The following RIMS2 variants were observed in gnomAD, a reference collection of about 807,000 sequenced individuals.
The protein encoded by RIMS2 is regulating synaptic membrane exocytosis 2.
RIMS2 carries 59 observed loss-of-function variants against 174.4 expected under a neutral mutation model. The observed-to-expected ratio is 0.34, with a 90% CI of 0.27 to 0.42. The LOEUF is 0.42. Ranked by LOEUF, RIMS2 falls within the 10% of genes least tolerant of loss-of-function variation. The pLI, the probability that RIMS2 is intolerant of heterozygous loss-of-function variation, is 1.00. For synonymous variants in RIMS2, 606 were observed against 572.5 expected (o/e 1.06, Z -0.84); for missense variants, 1,620 against 1,666.3 (o/e 0.97, Z 0.48).
At chr8:103,549,346 C>G (rs909218644) in intron 1 of RIMS2, among the ~76,000 whole-genome samples, 4 of 152,132 alleles carry the variant, frequency 2.6e-5, no homozygotes, top group African/African-American at 9.7e-5. Flanking sequence ...ATTTTCAACC[C>G]AGAATTTCAT....
chr8:103,933,340 G>A (rs1311225808), intron 12 of RIMS2, among the ~76,000 whole-genome samples: 1 of 111,488 alleles, frequency 9.0e-6, no homozygotes, highest in Admixed American at 8.4e-5. Flanking sequence ...CACACAATTA[G>A]CCAGGAGTGG....
chr8:103,825,154 A>G (rs900750735), intron 3 of RIMS2, among the ~76,000 whole-genome samples: 4 of 152,140 alleles, frequency 2.6e-5, no homozygotes, highest in African/African-American at 7.2e-5. Context: ...TCCAGAACCA[A>G]CTGTTGTACT....
chr8:103,552,282 C>T (rs1046124457), intron 1 of RIMS2, among the ~76,000 whole-genome samples: 1 of 152,036 alleles, frequency 6.6e-6, no homozygotes, highest in Non-Finnish European at 1.5e-5. Flanking sequence ...GAACAGAGCC[C>T]TCAGAAATAA....
rs1251020980 is a variant in RIMS2 at position 103,505,709 on chromosome 8, A to G, written c.176+4647A>G. 2.0e-5 allele frequency among the ~76,000 whole-genome samples: 3 copies of G among 152,184 alleles called. No homozygotes were observed. In the East Asian group the frequency reaches 5.8e-4, roughly 29 times the overall value. On this transcript the variant is annotated intron_variant, in intron 1 of 23. Coordinates refer to ENST00000504942, the Ensembl canonical transcript of RIMS2. ...TTACTTTTGTAGAGGAAGTGTGTAT[A>G]AGTGGTGTGTACTAAGGGGACTTTC... is the stretch of plus-strand genomic sequence containing the variant.
chr8:104,152,556 A>G (rs1261752856), intron 19 of RIMS2, among the ~76,000 whole-genome samples: 1 of 152,164 alleles, frequency 6.6e-6, no homozygotes, highest in African/African-American at 2.4e-5. Context: ...AAATGGAATC[A>G]TAAGCTCCAA....
At chr8:103,951,874 A>G (rs1044783288) in intron 14 of RIMS2, among the ~76,000 whole-genome samples, 1 of 152,234 alleles carries the variant, frequency 6.6e-6, no homozygotes, top group African/African-American at 2.4e-5. Flanking sequence ...TGCTGCTTGC[A>G]CAGCAGTCTG....
chr8:103,635,084 C>T (rs1401030443), intron 1 of RIMS2, among the ~76,000 whole-genome samples: 1 of 151,942 alleles, frequency 6.6e-6, no homozygotes, highest in Non-Finnish European at 1.5e-5. Flanking sequence ...ATTATGTTGG[C>T]CTGTTTGTAT....
At chr8:103,786,446 G>A (rs56847104) in intron 3 of RIMS2, among the ~76,000 whole-genome samples, 23,592 of 151,286 alleles carry the variant, frequency 0.16, 1,935 homozygotes, top group Middle Eastern at 0.24. Context: ...CTTTGAATGC[G>A]TCCCAGAGAT....
At chr8:104,030,171 T>C (rs539322645) in intron 19 of RIMS2, among the ~76,000 whole-genome samples, 6 of 152,216 alleles carry the variant, frequency 3.9e-5, no homozygotes, top group Admixed American at 2.6e-4. Flanking sequence ...GTGTATGGCA[T>C]GGTGAAACTC....
intron 19 of RIMS2, chr8:104,148,844 A>T (rs1275722616): frequency 6.9e-6 from 11 of 1,596,314 alleles, no homozygotes; most frequent in Non-Finnish European, 9.3e-6. Flanking sequence ...AGCTCAGCCA[A>T]ACGGGTAGGA....
intron 19 of RIMS2, among the ~76,000 whole-genome samples, chr8:104,084,011 T>G (rs1186273415): frequency 1.3e-5 from 2 of 152,142 alleles, no homozygotes; most frequent in Non-Finnish European, 2.9e-5. Context: ...AAAAGAAAAC[T>G]ATAAGATATT....
intron 1 of RIMS2, among the ~76,000 whole-genome samples, chr8:103,592,418 C>T (rs907300515): frequency 1.3e-5 from 2 of 151,178 alleles, no homozygotes; most frequent in African/African-American, 4.8e-5. Context: ...GAGCACTCAT[C>T]CCAATTCACC....
chr8:104,233,849 G>A (rs2099244540), intron 19 of RIMS2, among the ~76,000 whole-genome samples: 1 of 152,132 alleles, frequency 6.6e-6, no homozygotes, highest in African/African-American at 2.4e-5. Flanking sequence ...TAAAGATTCT[G>A]GTATTTTAGT....
chr8:103,750,004 T>C (rs2097865065), intron 2 of RIMS2, among the ~76,000 whole-genome samples: 1 of 152,108 alleles, frequency 6.6e-6, no homozygotes, highest in Non-Finnish European at 1.5e-5. Flanking sequence ...TTCCTCCAAG[T>C]AATTTTTTTT....
intron 1 of RIMS2, among the ~76,000 whole-genome samples, chr8:103,547,497 C>T (rs570448057): frequency 6.6e-6 from 1 of 152,270 alleles, no homozygotes; most frequent in African/African-American, 2.4e-5. Flanking sequence ...ATCTCTGGGA[C>T]ACAACTTAAG....
chr8:104,102,052 C>G (rs1566406298), intron 19 of RIMS2, among the ~76,000 whole-genome samples: 1 of 152,110 alleles, frequency 6.6e-6, no homozygotes, highest in Non-Finnish European at 1.5e-5. Flanking sequence ...TTCATGGCTT[C>G]AATGCTTCAT....
rs554280915 is a variant in RIMS2, at chr8:103,591,737, A to G, written c.176+90675A>G. Reference sequence around the variant, plus strand: ...CAAGTTATTTCATTTTTGGCTCTGTATTCTGTTCCACTGATCTATTTATTA... The same window carrying G: ...CAAGTTATTTCATTTTTGGCTCTGTGTTCTGTTCCACTGATCTATTTATTA... On this transcript the variant is annotated intron_variant, in intron 1 of 23. Transcript: ENST00000504942. 4.0e-5 allele frequency among the ~76,000 whole-genome samples: 6 copies of G among 151,182 alleles called. No homozygotes were observed. In the South Asian group the frequency reaches 1.0e-3, roughly 26 times the overall value.
intron 19 of RIMS2, among the ~76,000 whole-genome samples, chr8:104,125,921 G>T (rs2098425091): frequency 6.6e-6 from 1 of 152,128 alleles, no homozygotes; most frequent in Non-Finnish European, 1.5e-5. Context: ...ATTCCTGAAG[G>T]TCTCTTCCAA....
intron 3 of RIMS2, among the ~76,000 whole-genome samples, chr8:103,807,782 C>T (rs2098659722): frequency 1.3e-5 from 2 of 151,740 alleles, no homozygotes; most frequent in African/African-American, 4.8e-5. Context: ...ATTATATTTT[C>T]CTTTCTTTTC....
Sources: gnomAD v4.1 joint callset for allele counts (sites outside exome capture counted in the v4.1 genomes callset) on GRCh38, gnomAD v4.1.1 for gene constraint, MANE v1.5 for transcripts, NCBI Gene and HGNC (gene_info 2026-07-23, HGNC 2026-07-21) for gene names.